SOX8: variants seen among roughly 807,000 people sequenced by gnomAD.
SOX8 encodes the protein transcription factor SOX-8.
Under a neutral mutation model 22.9 loss-of-function variants are expected in SOX8, and 9 were observed. The observed-to-expected ratio is 0.39, with a 90% CI of 0.24 to 0.69. The LOEUF (loss-of-function observed/expected upper bound fraction) is 0.69, where lower values mean the gene tolerates loss of function less well. Ranked by LOEUF, SOX8 falls within the 30% of genes least tolerant of loss-of-function variation. The pLI is 0.43. For missense variants in SOX8, 734 were observed against 699.4 expected (o/e 1.05, Z -0.56); for synonymous variants, 416 against 330.6 (o/e 1.26, Z -2.80).
At position 983,781 on chromosome 16, in the gene SOX8, G is replaced by A. The variant is rs1469776275; in HGVS notation, c.476G>A (p.Arg159His). ...RPFVEEAERL[R>H]VQHKKDHPDY... The stretch of plus-strand genomic sequence containing the variant: ...TTCGTGGAGGAGGCAGAGCGCCTTC[G>A]CGTGCAGCACAAGAAGGACCACCCC... The change falls in exon 2 of 3, where the codon CGC becomes CAC. Residue 159 changes from arginine to histidine, a missense_variant. Around this residue, in one of 3 missense-constraint regions of SOX8, gnomAD observed 588 missense variants for 568.2 expected, o/e 1.03. Coordinates refer to ENST00000293894, the MANE Select transcript of SOX8 (RefSeq NM_014587.5). The A allele has an allele frequency of 3.1e-6, 5 of 1,612,716 alleles. No individual in the cohort carries two copies. The highest frequency in any genetic ancestry group is 2.2e-5 in the East Asian group (1 of 44,880).
Position 985,728 on chromosome 16 carries a change from A to C in SOX8, c.*342A>C. 1 of 257,372 alleles carries C rather than the reference A, an allele frequency of 3.9e-6. No homozygotes were observed. The highest frequency in any genetic ancestry group is 8.4e-5 in the East Asian group (1 of 11,864). The allele number at this position is 257,372 out of a possible 1,614,324, so 15.9% of individuals were successfully genotyped here. ...AAACGGCAGCACAGCCCAAGGACCA[A>C]AGGAGGGGGTGGCAGGGGCCTTGCA... is the stretch of plus-strand genomic sequence containing the variant. On this transcript the variant is annotated 3_prime_UTR_variant, in exon 3 of 3. Transcript: ENST00000293894.
In SOX8 at chr16:985,281, C is replaced by T. The variant is rs766573115; in HGVS notation, c.1236C>T (p.Arg412=). ...AGTACCCCTGCTTCCACTCGCCGCG[C>T]CGGCCCTACGCCTCACCCCTGCTCA... ...LYQYPCFHSP[R]RPYASPLLNG... Residue 412 remains arginine (R), a synonymous_variant, in exon 3 of 3, where the codon CGC becomes CGT. Coordinates refer to ENST00000293894, the MANE Select transcript of SOX8 (RefSeq NM_014587.5). 2 of 1,611,222 alleles carry T rather than the reference C, an allele frequency of 1.2e-6. No homozygotes were observed. The highest frequency in any genetic ancestry group is 1.7e-6 in the Non-Finnish European group (2 of 1,179,608).
Position 984,985 on chromosome 16 carries a change from C to A in SOX8, c.940C>A (p.Pro314Thr). 1 of 1,585,756 alleles carries A rather than the reference C, an allele frequency of 6.3e-7. No homozygotes were observed. Among genetic ancestry groups the A allele is most frequent in the Non-Finnish European group, 8.6e-7 (1 of 1,169,038 alleles). ...GGAYFHAGAS[P>T]VWAHKSAPSA... ...CGCCTACTTCCACGCCGGGGCGTCC[C>A]CCGTGTGGGCCCACAAGAGTGCCCC... is the stretch of plus-strand genomic sequence containing the variant. The change falls in exon 3 of 3, where the codon CCC becomes ACC. Residue 314 changes from proline (P) to threonine (T), a missense_variant. Coordinates refer to ENST00000293894, the MANE Select transcript of SOX8 (RefSeq NM_014587.5).
Position 984,988 on chromosome 16 carries a change from G to T in SOX8, c.943G>T (p.Val315Leu). ...CTACTTCCACGCCGGGGCGTCCCCC[G>T]TGTGGGCCCACAAGAGTGCCCCGTC... Reference protein sequence around the residue: ...GAYFHAGASPVWAHKSAPSAS... With the variant: ...GAYFHAGASPLWAHKSAPSAS... The change falls in exon 3 of 3, where the codon GTG becomes TTG. Residue 315 changes from valine to leucine, a missense_variant. Physicochemically the swap from Val to Leu is conservative, Grantham distance 32. Around this residue, in one of 3 missense-constraint regions of SOX8, gnomAD observed 588 missense variants for 568.2 expected, o/e 1.03. Coordinates refer to ENST00000293894, the MANE Select transcript of SOX8 (RefSeq NM_014587.5). The T allele has an allele frequency of 6.3e-7, 1 of 1,584,502 alleles. No individual in the cohort carries two copies. Among genetic ancestry groups the T allele is most frequent in the Non-Finnish European group, 8.6e-7 (1 of 1,168,694 alleles).
At position 982,359 on chromosome 16, in the gene SOX8, C is replaced by T; in HGVS notation, c.422+15C>T. On this transcript the variant is annotated intron_variant, in intron 1 of 2. Transcript: ENST00000293894. ...AAGCTGTGGCGGTGAGTGCCGGCGCCCCGGGGGCGGGGTTCGGGACCTTGG... is the reference window on the plus strand; with the variant it reads ...AAGCTGTGGCGGTGAGTGCCGGCGCTCCGGGGGCGGGGTTCGGGACCTTGG... 7.5e-7 allele frequency: 1 copy of T among 1,341,310 alleles called. No individual in the cohort carries two copies. The highest frequency in any genetic ancestry group is 9.6e-7 in the Non-Finnish European group (1 of 1,041,936). 83.1% of individuals were successfully genotyped at this position (1,341,310 alleles called of 1,614,324 possible).
intron 2 of SOX8, among the ~76,000 whole-genome samples, chr16:984,322 C>T (rs765529647): frequency 8.5e-5 from 13 of 152,208 alleles, no homozygotes; most frequent in Non-Finnish European, 7.3e-5. Context: ...GGAGTCCTGC[C>T]GGGGCCTCGG....
Position 982,291 on chromosome 16 carries a change from G to C in SOX8, c.369G>C (p.Gln123His), listed in dbSNP as rs1189765594. ...AQAARRKLAD[Q>H]YPHLHNAELS... is the part of the protein sequence containing the mutation. ...CGGCGCGCCGCAAGCTGGCCGACCA[G>C]TACCCGCACCTGCACAACGCCGAGC... Residue 123 changes from glutamine to histidine, a missense_variant, in exon 1 of 3, where the codon CAG becomes CAC. Gln to His is a conservative substitution (Grantham distance 24). Around this residue, in one of 3 missense-constraint regions of SOX8, gnomAD observed 588 missense variants for 568.2 expected, o/e 1.03. Transcript: ENST00000293894. The C allele has an allele frequency of 4.0e-6, 6 of 1,509,034 alleles. No homozygotes were observed. The highest frequency in any genetic ancestry group is 1.3e-5 in the South Asian group (1 of 77,660). 93.5% of individuals were successfully genotyped at this position (1,509,034 alleles called of 1,614,324 possible). A position where few individuals can be genotyped will look rare whatever the true frequency, so the allele number is the denominator to read the frequency against.
At position 985,170 on chromosome 16, in the gene SOX8, C is replaced by A; in HGVS notation, c.1125C>A (p.Pro375=). The A allele has an allele frequency of 6.2e-7, 1 of 1,609,496 alleles. No homozygotes were observed. Among genetic ancestry groups the A allele is most frequent in the East Asian group, 2.2e-5 (1 of 44,774 alleles). ...SSATPAAPAG[P]FAGSQGDYGD... ...CCACCCCGGCCGCCCCCGCCGGCCC[C>A]TTCGCCGGCTCACAGGGCGACTATG... Residue 375 remains proline (P), a synonymous_variant, in exon 3 of 3, where the codon CCC becomes CCA. Coordinates refer to ENST00000293894, the MANE Select transcript of SOX8 (RefSeq NM_014587.5).
In SOX8 at chr16:985,535, T is replaced by C. The variant is rs2073452658; in HGVS notation, c.*149T>C. On this transcript the variant is annotated 3_prime_UTR_variant, in exon 3 of 3. Coordinates refer to ENST00000293894, the MANE Select transcript of SOX8 (RefSeq NM_014587.5). Reference sequence around the variant, plus strand: ...GAAACACGCTTGCTGCCCGTGGCCCTCGGCCTCCAGATGGCCACACCTCTG... The same window carrying C: ...GAAACACGCTTGCTGCCCGTGGCCCCCGGCCTCCAGATGGCCACACCTCTG... The C allele has an allele frequency of 3.1e-6, 2 of 645,028 alleles. No individual in the cohort carries two copies. The highest frequency in any genetic ancestry group is 5.1e-6 in the Non-Finnish European group (2 of 394,666). The allele number at this position is 645,028 out of a possible 1,614,324, so 40.0% of individuals were successfully genotyped here.
intron 2 of SOX8, 110 bp from the exon 3 acceptor site, chr16:984,591 G>T: frequency 1.6e-6 from 1 of 628,500 alleles, no homozygotes; most frequent in South Asian, 2.4e-5. Flanking sequence ...ACAAAAAGCC[G>T]TTGATCCCCC....
intron 2 of SOX8, 86 bp downstream of exon 2, chr16:984,046 G>A (rs753393642): frequency 5.6e-5 from 67 of 1,199,078 alleles, no homozygotes; most frequent in Non-Finnish European, 5.7e-5. Flanking sequence ...GCATGATGGT[G>A]GAGGGGGGCA....
At chr16:984,056 A>G (rs2073432744) in intron 2 of SOX8, 96 bp downstream of exon 2, 5 of 1,103,498 alleles carry the variant, frequency 4.5e-6, no homozygotes, top group Non-Finnish European at 6.2e-6. Context: ...GGAGGGGGGC[A>G]GGCGCCCTCG....
chr16:984,978 G>T lies in SOX8; in HGVS notation c.933G>T (p.Gly311=). The part of the protein sequence containing the change: ...QAYGGAYFHA[G]ASPVWAHKSA... Reference sequence around the variant, plus strand: ...ATGGGGGCGCCTACTTCCACGCCGGGGCGTCCCCCGTGTGGGCCCACAAGA... The same window carrying T: ...ATGGGGGCGCCTACTTCCACGCCGGTGCGTCCCCCGTGTGGGCCCACAAGA... The change falls in exon 3 of 3, where the codon GGG becomes GGT. Residue 311 remains glycine (G), a synonymous_variant. Transcript: ENST00000293894. 6.3e-7 allele frequency: 1 copy of T among 1,588,590 alleles called. No individual in the cohort carries two copies. Among genetic ancestry groups the T allele is most frequent in the Non-Finnish European group, 8.5e-7 (1 of 1,169,620 alleles).
chr16:984,736 C>G lies in SOX8; in HGVS notation c.691C>G (p.Pro231Ala). 2 of 1,581,210 alleles carry G rather than the reference C, an allele frequency of 1.3e-6. No homozygotes were observed. The highest frequency in any genetic ancestry group is 1.7e-6 in the Non-Finnish European group (2 of 1,167,130). ...THGPPTPPTT[P>A]KTELQQAGAK... is the part of the protein sequence containing the mutation. Reference sequence around the variant, plus strand: ...CGGGCCGCCCACCCCGCCCACCACCCCCAAGACGGAGCTGCAGCAGGCGGG... The same window carrying G: ...CGGGCCGCCCACCCCGCCCACCACCGCCAAGACGGAGCTGCAGCAGGCGGG... The change falls in exon 3 of 3, where the codon CCC becomes GCC. Residue 231 changes from proline to alanine, a missense_variant. This residue lies in a region of SOX8 where 588 missense variants were observed against 568.2 expected (regional missense o/e 1.03). Transcript: ENST00000293894.
chr16:986,028 C>T lies in SOX8; in HGVS notation c.*642C>T, dbSNP rs906013990. The stretch of plus-strand genomic sequence containing the variant: ...TTATTTTTGAAGCTTAAATGTGTTT[C>T]TTCTGAAAGCTGTTAAAGATGTATT... On this transcript the variant is annotated 3_prime_UTR_variant, in exon 3 of 3. Coordinates refer to ENST00000293894, the MANE Select transcript of SOX8 (RefSeq NM_014587.5). The T allele has an allele frequency of 4.6e-5, 7 of 152,216 alleles. No homozygotes were observed. Among genetic ancestry groups the T allele is most frequent in the African/African-American group, 7.2e-5 (3 of 41,442 alleles). 9.4% of individuals were successfully genotyped at this position (152,216 alleles called of 1,614,324 possible).
rs750202454 is a variant in SOX8, at chr16:981,936, G to A, written c.14G>A (p.Ser5Asn). ...CGCGCGGCCCCGATGCTGGACATGAGCGAGGCCCGCTCCCAGCCGCCCTGC... is the reference window on the plus strand; with the variant it reads ...CGCGCGGCCCCGATGCTGGACATGAACGAGGCCCGCTCCCAGCCGCCCTGC... MLDMSEARSQPPCSP... is the reference protein window; with the variant it reads MLDMNEARSQPPCSP... The change falls in exon 1 of 3, where the codon AGC (serine) becomes AAC (asparagine). Residue 5 changes from serine to asparagine, a missense_variant. Ser to Asn is a conservative substitution (Grantham distance 46, BLOSUM62 1). Transcript: ENST00000293894. The A allele has an allele frequency of 1.1e-5, 16 of 1,397,328 alleles. No homozygotes were observed. The highest frequency in any genetic ancestry group is 1.3e-5 in the Non-Finnish European group (14 of 1,072,722). The allele number at this position is 1,397,328 out of a possible 1,614,324, so 86.6% of individuals were successfully genotyped here.
intron 2 of SOX8, among the ~76,000 whole-genome samples, chr16:984,254 C>G (rs141832839): frequency 6.6e-6 from 1 of 152,228 alleles, no homozygotes; most frequent in Non-Finnish European, 1.5e-5. Flanking sequence ...CTTCCCACAC[C>G]GAGCTGCTGC....
rs980784889 is a variant in SOX8 at position 984,744 on chromosome 16, G to A, written c.699G>A (p.Thr233=). Reference sequence around the variant, plus strand: ...CCACCCCGCCCACCACCCCCAAGACGGAGCTGCAGCAGGCGGGCGCCAAGC... The same window carrying A: ...CCACCCCGCCCACCACCCCCAAGACAGAGCTGCAGCAGGCGGGCGCCAAGC... ...GPPTPPTTPK[T]ELQQAGAKPE... Residue 233 remains threonine (T), a synonymous_variant, in exon 3 of 3, where the codon ACG becomes ACA. Coordinates refer to ENST00000293894, the MANE Select transcript of SOX8 (RefSeq NM_014587.5). 3.9e-6 allele frequency: 5 copies of A among 1,273,560 alleles called. No homozygotes were observed. Among genetic ancestry groups the A allele is most frequent in the South Asian group, 1.2e-5 (1 of 83,886 alleles). 78.9% of individuals were successfully genotyped at this position (1,273,560 alleles called of 1,614,324 possible).
chr16:984,064 T>A, intron 2 of SOX8, 104 bp downstream of exon 2: 1 of 1,035,088 alleles, frequency 9.7e-7, no homozygotes, highest in Non-Finnish European at 1.3e-6. Flanking sequence ...GCAGGCGCCC[T>A]CGAGAGAACC....
Sources: allele counts gnomAD v4.1 joint callset (sites outside exome capture counted in the v4.1 genomes callset), GRCh38; gene constraint gnomAD v4.1.1; regional missense constraint gnomAD v4.1.1; transcripts MANE v1.5; gene names NCBI Gene and HGNC (gene_info 2026-07-23, HGNC 2026-07-21).